The following TENM2 variants were observed in gnomAD, a reference collection of about 807,000 sequenced individuals.
TENM2 encodes teneurin transmembrane protein 2, also known as teneurin-2.
Under a neutral mutation model 245.2 loss-of-function variants are expected in TENM2, and 52 were observed. The ratio of observed to expected loss-of-function variants is 0.21; its 90% confidence interval spans 0.17 to 0.27. The LOEUF (loss-of-function observed/expected upper bound fraction) is 0.27, where lower values mean the gene tolerates loss of function less well. Among genes scored for constraint, TENM2 ranks in the 10% least tolerant of loss-of-function variants. The pLI is 1.00. For synonymous variants in TENM2, 1,363 were observed against 1,438.9 expected (o/e 0.95, Z 1.19); for missense variants, 3,046 against 3,666.8 (o/e 0.83, Z 4.37).
intron 3 of TENM2, among the ~76,000 whole-genome samples, chr5:167,932,530 T>C (rs1318932500): frequency 6.6e-6 from 1 of 152,122 alleles, no homozygotes; most frequent in Non-Finnish European, 1.5e-5. Flanking sequence ...GTTTGTTTCA[T>C]CTTTCATTCA....
intron 2 of TENM2, among the ~76,000 whole-genome samples, chr5:167,867,426 GCTC>G (rs1194336434): frequency 3.9e-5 from 6 of 152,160 alleles, no homozygotes; most frequent in Non-Finnish European, 7.3e-5. Flanking sequence ...TCATGCTTGA[GCTC>G]CTCCTGCAAG....
chr5:167,513,842 C>G (rs111587891), intron 2 of TENM2, among the ~76,000 whole-genome samples: 3 of 152,082 alleles, frequency 2.0e-5, no homozygotes, highest in African/African-American at 7.3e-5. Flanking sequence ...GCTGTGCTAT[C>G]GAGTTGGCGA....
intron 2 of TENM2, among the ~76,000 whole-genome samples, chr5:167,678,136 A>G (rs891824764): frequency 9.9e-5 from 15 of 152,146 alleles, no homozygotes; most frequent in African/African-American, 3.6e-4. Flanking sequence ...GAAAAGATTA[A>G]AAATATCTGC....
intron 2 of TENM2, among the ~76,000 whole-genome samples, chr5:167,700,069 C>G (rs911109235): frequency 6.6e-6 from 1 of 152,076 alleles, no homozygotes; most frequent in African/African-American, 2.4e-5. Context: ...GACCTCTTCA[C>G]AGACATGCCA....
At chr5:167,192,875 G>A in the TENM2 span, among the ~76,000 whole-genome samples, 2 of 152,018 alleles carry the variant, frequency 1.3e-5, no homozygotes, top group Admixed American at 6.6e-5. Flanking sequence ...CTGACCTAAC[G>A]GGAGGTTGAG....
intron 5 of TENM2, among the ~76,000 whole-genome samples, chr5:168,014,958 C>A (rs1785538419): frequency 6.6e-6 from 1 of 152,198 alleles, no homozygotes; most frequent in South Asian, 2.1e-4. Context: ...GGGAGCCTGG[C>A]ATTGATCTGT....
chr5:167,000,947 G>A, the TENM2 span, among the ~76,000 whole-genome samples: 1 of 152,078 alleles, frequency 6.6e-6, no homozygotes, highest in Non-Finnish European at 1.5e-5. Context: ...AATTTTGTCT[G>A]TGGTTTTTTG....
intron 2 of TENM2, among the ~76,000 whole-genome samples, chr5:167,445,807 G>A (rs959367209): frequency 2.6e-5 from 4 of 152,070 alleles, no homozygotes; most frequent in South Asian, 2.1e-4. Flanking sequence ...TGCCCAAACC[G>A]TCCCTGGTCT....
Position 168,244,769 on chromosome 5 carries a change from C to A in TENM2, c.5817+53C>A. ...AGGGCTTTCTGTTATTTCTGTTATTCCGGCTTCTTTTTTTTTTTGAGACAG... is the reference window on the plus strand; with the variant it reads ...AGGGCTTTCTGTTATTTCTGTTATTACGGCTTCTTTTTTTTTTTGAGACAG... On this transcript the variant is annotated intron_variant, in intron 26 of 28. Coordinates refer to ENST00000518659, the Ensembl canonical transcript of TENM2. This position sits in a 1 kb window ranked among gnomAD's most constrained non-coding sequence, Gnocchi z 4.9. The A allele has an allele frequency of 7.4e-7, 1 of 1,356,612 alleles. No individual in the cohort carries two copies. The highest frequency in any genetic ancestry group is 9.6e-7 in the Non-Finnish European group (1 of 1,041,348). The allele number at this position is 1,356,612 out of a possible 1,614,324, so 84.0% of individuals were successfully genotyped here.
At chr5:167,012,719 A>G in the TENM2 span, among the ~76,000 whole-genome samples, 1 of 152,128 alleles carries the variant, frequency 6.6e-6, no homozygotes, top group East Asian at 1.9e-4. Flanking sequence ...TCCTCTTACA[A>G]ATTTGTGCTA....
rs529273057 is a variant in TENM2, at chr5:167,751,979, C to T, written c.503-124007C>T. Among the ~76,000 whole-genome samples, 218 of 149,994 alleles carry T rather than the reference C, an allele frequency of 1.5e-3. 1 individual carries two copies. Among genetic ancestry groups the T allele is most frequent in the African/African-American group, 4.8e-3 (196 of 40,836 alleles). On this transcript the variant is annotated intron_variant, in intron 2 of 28. Transcript: ENST00000518659. ...ACACACACACACACACACACACATG[C>T]GCGCACACGATTGTGCAAATAAATA... is the stretch of plus-strand genomic sequence containing the variant.
chr5:167,376,861 T>C (rs1392956184), intron 2 of TENM2, among the ~76,000 whole-genome samples: 3 of 152,222 alleles, frequency 2.0e-5, no homozygotes, highest in Non-Finnish European at 4.4e-5. Flanking sequence ...TTCAGCTTCA[T>C]TGTGTGTGTC....
chr5:167,421,020 TTTAACATTTAGGA>T (rs1763473956), intron 2 of TENM2, among the ~76,000 whole-genome samples: 1 of 152,178 alleles, frequency 6.6e-6, no homozygotes, highest in Non-Finnish European at 1.5e-5. Flanking sequence ...ACAAGAGGAC[TTTAACATTTAGGA>T]TTGGAGGCAC....
intron 7 of TENM2, among the ~76,000 whole-genome samples, chr5:168,084,452 C>T (rs1375776403): frequency 1.3e-5 from 2 of 152,176 alleles, no homozygotes. Flanking sequence ...GACATTTTGA[C>T]TTGTGTGAGA....
chr5:167,693,490 G>A (rs1390197475), intron 2 of TENM2, among the ~76,000 whole-genome samples: 2 of 151,942 alleles, frequency 1.3e-5, no homozygotes, highest in African/African-American at 2.4e-5. Context: ...AGCTTGATTC[G>A]GGCTATTCAA....
rs1162856123 is a variant in TENM2 at position 167,577,690 on chromosome 5, G to T, written c.502+202217G>T. ...GAGATTCTACTTTCTAGTAAAGTTT[G>T]TTTGTTGTTTGCCTCTTGTTCTCTT... On this transcript the variant is annotated intron_variant, in intron 2 of 28. Transcript: ENST00000518659. Among the ~76,000 whole-genome samples, 3 of 151,648 alleles carry T rather than the reference G, an allele frequency of 2.0e-5. No homozygotes were observed. In the East Asian group the frequency reaches 5.8e-4, roughly 30 times the overall value.
intron 2 of TENM2, among the ~76,000 whole-genome samples, chr5:167,378,874 T>A (rs547748949): frequency 2.6e-5 from 4 of 151,810 alleles, no homozygotes. Context: ...CTTTTTTTTT[T>A]TTTTTTCCTT....
At chr5:167,828,710 A>C (rs1448431645) in intron 2 of TENM2, among the ~76,000 whole-genome samples, 1 of 152,220 alleles carries the variant, frequency 6.6e-6, no homozygotes. Context: ...TAATTTTATT[A>C]GGAAGGGTAA....
chr5:167,604,533 G>A (rs1306351981), intron 2 of TENM2, among the ~76,000 whole-genome samples: 1 of 152,072 alleles, frequency 6.6e-6, no homozygotes, highest in Non-Finnish European at 1.5e-5. Flanking sequence ...TATCTGGTAG[G>A]TCTCCTTGTC....
Sources: gnomAD v4.1 joint callset for allele counts (sites outside exome capture counted in the v4.1 genomes callset) on GRCh38, gnomAD v4.1.1 for gene constraint, Gnocchi (gnomAD v3.1) non-coding constraint, MANE v1.5 for transcripts, NCBI Gene and HGNC (gene_info 2026-07-23, HGNC 2026-07-21) for gene names.